EPS15: variants seen among roughly 807,000 people sequenced by gnomAD.
The protein encoded by EPS15 is epidermal growth factor receptor pathway substrate 15.
Under a neutral mutation model 113.8 loss-of-function variants are expected in EPS15, and 72 were observed. The observed-to-expected ratio is 0.63, with a 90% CI of 0.52 to 0.77. The LOEUF (loss-of-function observed/expected upper bound fraction) is 0.77, where lower values mean the gene tolerates loss of function less well. Ranked by LOEUF, EPS15 falls within the 30% of genes least tolerant of loss-of-function variation. The probability of loss-of-function intolerance (pLI) is 0.00; values close to 1 mark genes in which losing one functional copy is unlikely to be tolerated. For missense variants in EPS15, 1,048 were observed against 1,045.8 expected (o/e 1.00, Z -0.03); for synonymous variants, 344 against 363.4 (o/e 0.95, Z 0.61).
At chr1:51,482,686 G>C (rs556848879) in intron 1 of EPS15, among the ~76,000 whole-genome samples, 1 of 151,962 alleles carries the variant, frequency 6.6e-6, no homozygotes, top group Admixed American at 6.6e-5. Context: ...GGCTGGTCTC[G>C]AACTCCTGAT....
chr1:51,423,055 T>C (rs1478791502), intron 12 of EPS15, among the ~76,000 whole-genome samples: 4 of 152,204 alleles, frequency 2.6e-5, no homozygotes, highest in African/African-American at 9.6e-5. Flanking sequence ...TTTCTCACCT[T>C]CTTGAGGTGA....
At chr1:51,496,227 TA>T (rs1644320519) in intron 1 of EPS15, among the ~76,000 whole-genome samples, 2 of 152,150 alleles carry the variant, frequency 1.3e-5, no homozygotes, top group South Asian at 4.1e-4. Flanking sequence ...CACACCTAGT[TA>T]AGTGTTGGTA....
intron 7 of EPS15, among the ~76,000 whole-genome samples, chr1:51,462,960 ACTGCCTCCTGGGTTCACGCGATTCTT>A (rs1342777451): frequency 7.5e-6 from 1 of 134,004 alleles, no homozygotes; most frequent in African/African-American, 2.9e-5. Flanking sequence ...CACTGCAACC[ACTGCCTCCTGGGTTCACGCGATTCTT>A]CTGCCTCAGC....
intron 21 of EPS15, among the ~76,000 whole-genome samples, chr1:51,388,564 C>A (rs1647159131): frequency 6.6e-6 from 1 of 152,096 alleles, no homozygotes; most frequent in Admixed American, 6.5e-5. Flanking sequence ...AATTGATAGA[C>A]CGCTAGCAAG....
At chr1:51,466,474 T>C (rs974275140) in intron 5 of EPS15, among the ~76,000 whole-genome samples, 5 of 151,300 alleles carry the variant, frequency 3.3e-5, no homozygotes, top group Admixed American at 2.6e-4. Flanking sequence ...AAAAAAAAAT[T>C]TAGCCGGGTG....
At chr1:51,502,573 A>T (rs932836578) in intron 1 of EPS15, among the ~76,000 whole-genome samples, 1 of 152,218 alleles carries the variant, frequency 6.6e-6, no homozygotes, top group Non-Finnish European at 1.5e-5. Context: ...ATGAACTTAT[A>T]TACAGAAAAT....
At position 51,424,546 on chromosome 1, in the gene EPS15, T is replaced by C. The variant is rs1651040530; in HGVS notation, c.1041-2688A>G. 2.0e-5 allele frequency among the ~76,000 whole-genome samples: 3 copies of C among 152,206 alleles called. No individual in the cohort carries two copies. In the South Asian group the frequency reaches 6.2e-4, roughly 31 times the overall value. On this transcript the variant is annotated intron_variant, in intron 12 of 24. Transcript: ENST00000371733. ...GCCACAATAAGAAGTAATATTTATATGCAACTTCTCAAGGAGCCCACCAAT... is the reference window on the plus strand; with the variant it reads ...GCCACAATAAGAAGTAATATTTATACGCAACTTCTCAAGGAGCCCACCAAT...
At chr1:51,439,332 A>T (rs1392900755) in intron 12 of EPS15, among the ~76,000 whole-genome samples, 2 of 152,230 alleles carry the variant, frequency 1.3e-5, no homozygotes, top group Admixed American at 1.3e-4. Context: ...TTTCTACAGA[A>T]ATCTCAACAT....
chr1:51,356,805 T>C lies in EPS15; in HGVS notation c.2586A>G (p.Glu862=), dbSNP rs769772291. Reference sequence around the variant, plus strand: ...GCCTCTGCTCTTCCTCTCTCTCACTTTCCCTCTTGGCCCATTCGATCATAT... The same window carrying C: ...GCCTCTGCTCTTCCTCTCTCTCACTCTCCCTCTTGGCCCATTCGATCATAT... ...EEDMIEWAKR[E]SEREEEQRLA... The change falls in exon 25 of 25, where the codon GAA becomes GAG. Residue 862 remains glutamate (E), a synonymous_variant. Transcript: ENST00000371733. 3.1e-6 allele frequency: 5 copies of C among 1,613,902 alleles called. No individual in the cohort carries two copies. In the Admixed American group the frequency reaches 6.7e-5, roughly 22 times the overall value.
chr1:51,404,218 C>T (rs952176625), intron 16 of EPS15, among the ~76,000 whole-genome samples: 12 of 152,160 alleles, frequency 7.9e-5, no homozygotes, highest in African/African-American at 2.6e-4. Flanking sequence ...TGGTGGCACA[C>T]GCCTGTAGTC....
At chr1:51,492,800 C>G (rs1258911308) in intron 1 of EPS15, among the ~76,000 whole-genome samples, 1 of 151,942 alleles carries the variant, frequency 6.6e-6, no homozygotes, top group Non-Finnish European at 1.5e-5. Flanking sequence ...CCTCTCACCT[C>G]CTTTGTAGCC....
intron 13 of EPS15, among the ~76,000 whole-genome samples, chr1:51,414,824 C>T (rs1031998195): frequency 2.0e-5 from 3 of 152,068 alleles, no homozygotes; most frequent in Admixed American, 6.5e-5. Context: ...GTTTTAAAAG[C>T]TGAATACAGA....
At chr1:51,440,811 T>C (rs185457783) in intron 11 of EPS15, among the ~76,000 whole-genome samples, 7 of 152,226 alleles carry the variant, frequency 4.6e-5, no homozygotes, top group African/African-American at 1.7e-4. Flanking sequence ...TGGTGATTTA[T>C]TTGTATTTGT....
chr1:51,411,131 C>T (rs747604260), intron 13 of EPS15, among the ~76,000 whole-genome samples: 6 of 152,194 alleles, frequency 3.9e-5, no homozygotes, highest in Non-Finnish European at 8.8e-5. Flanking sequence ...CAAATATATG[C>T]AGATGTTTCT....
intron 21 of EPS15, among the ~76,000 whole-genome samples, chr1:51,385,181 T>C: frequency 6.6e-6 from 1 of 152,254 alleles, no homozygotes; most frequent in East Asian, 1.9e-4. Context: ...TTGCAAATCA[T>C]TTATCTGATA....
At chr1:51,394,571 A>C in intron 20 of EPS15, 124 bp from the exon 21 acceptor site, 1 of 494,344 alleles carries the variant, frequency 2.0e-6, no homozygotes, top group Non-Finnish European at 3.6e-6. Flanking sequence ...GACATTAGGA[A>C]CAAATGTTTC....
chr1:51,472,023 G>C lies in EPS15; in HGVS notation c.166-286C>G, dbSNP rs74896846. 9.7e-5 allele frequency among the ~76,000 whole-genome samples: 13 copies of C among 133,512 alleles called. No individual in the cohort carries two copies. The South Asian group carries it at 3.0e-3, about 30-fold the overall frequency. The allele number at this position is 133,512 out of a possible 152,430, so 87.6% of individuals were successfully genotyped here. A position where few individuals can be genotyped will look rare whatever the true frequency, so the allele number is the denominator to read the frequency against. Reference sequence around the variant, plus strand: ...TTCTTTTATGATTTTTTTTTTTTTTGATCATCAGCTATCATTAGTGTTAAT... The same window carrying C: ...TTCTTTTATGATTTTTTTTTTTTTTCATCATCAGCTATCATTAGTGTTAAT... On this transcript the variant is annotated intron_variant, in intron 3 of 24. Coordinates refer to ENST00000371733, the MANE Select transcript of EPS15 (RefSeq NM_001981.3).
At chr1:51,367,323 G>T (rs1281879185) in intron 21 of EPS15, among the ~76,000 whole-genome samples, 1 of 152,102 alleles carries the variant, frequency 6.6e-6, no homozygotes, top group African/African-American at 2.4e-5. Flanking sequence ...AAACATAGGT[G>T]GGCAGATCAC....
At chr1:51,367,845 C>A (rs910081394) in intron 21 of EPS15, among the ~76,000 whole-genome samples, 1 of 152,070 alleles carries the variant, frequency 6.6e-6, no homozygotes, top group African/African-American at 2.4e-5. Flanking sequence ...GAAAAGTTCT[C>A]CTCAGGCCGG....
Sources: gnomAD v4.1 joint callset for allele counts (sites outside exome capture counted in the v4.1 genomes callset) on GRCh38, gnomAD v4.1.1 for gene constraint, MANE v1.5 for transcripts, NCBI Gene and HGNC (gene_info 2026-07-23, HGNC 2026-07-21) for gene names.